The following PDSS2 variants were observed in gnomAD, a reference collection of about 807,000 sequenced individuals.
PDSS2 encodes all trans-polyprenyl-diphosphate synthase PDSS2.
A neutral mutation model predicts 44.5 loss-of-function variants in PDSS2; 31 were observed. The observed-to-expected ratio is 0.70, with a 90% confidence interval of 0.52 to 0.94. PDSS2 has a LOEUF of 0.94. Ranked by LOEUF, PDSS2 falls within the 40% of genes least tolerant of loss-of-function variation. The probability of loss-of-function intolerance (pLI) is 0.00; values close to 1 mark genes in which losing one functional copy is unlikely to be tolerated. For missense variants in PDSS2, 452 were observed against 482.2 expected, an observed-to-expected ratio of 0.94 and a Z score of 0.59; for synonymous variants, 157 against 180.3, an observed-to-expected ratio of 0.87 and a Z score of 1.03.
chr6:107,289,459 G>T (rs1006434830), intron 2 of PDSS2, among the ~76,000 whole-genome samples: 1 of 152,000 alleles, frequency 6.6e-6, no homozygotes, highest in Non-Finnish European at 1.5e-5. Flanking sequence ...AAGCACTGTG[G>T]GAGGACAAGG....
intron 7 of PDSS2, among the ~76,000 whole-genome samples, chr6:107,182,252 CTAA>C (rs1355001481): frequency 1.3e-5 from 2 of 152,116 alleles, no homozygotes; most frequent in East Asian, 1.9e-4. Flanking sequence ...AAGACCAAGG[CTAA>C]TAATAAGGCA....
intron 2 of PDSS2, among the ~76,000 whole-genome samples, chr6:107,302,414 C>A (rs1206137477): frequency 1.3e-5 from 2 of 150,310 alleles, no homozygotes; most frequent in African/African-American, 4.8e-5. Context: ...GCTGGGACCA[C>A]GGGTGCATGC....
intron 4 of PDSS2, among the ~76,000 whole-genome samples, chr6:107,215,067 A>G (rs777692147): frequency 2.0e-5 from 3 of 152,256 alleles, no homozygotes; most frequent in Non-Finnish European, 4.4e-5. Context: ...ACAAAACATT[A>G]GGTATAAATT....
At chr6:107,336,055 G>A (rs1412729566) in intron 1 of PDSS2, among the ~76,000 whole-genome samples, 1 of 151,474 alleles carries the variant, frequency 6.6e-6, no homozygotes, top group Non-Finnish European at 1.5e-5. Flanking sequence ...AGGGGTTCGA[G>A]ACCAGCCCGG....
At chr6:107,358,168 T>TA (rs1482675695) in intron 1 of PDSS2, among the ~76,000 whole-genome samples, 1 of 152,212 alleles carries the variant, frequency 6.6e-6, no homozygotes, top group Non-Finnish European at 1.5e-5. Context: ...TTAAAAATAC[T>TA]ATGTGAAATT....
At chr6:107,188,176 G>A (rs146238791) in intron 7 of PDSS2, among the ~76,000 whole-genome samples, 7 of 152,190 alleles carry the variant, frequency 4.6e-5, no homozygotes, top group Non-Finnish European at 8.8e-5. Context: ...TCAGGAGTTC[G>A]AGACCAGCCT....
chr6:107,309,708 G>A (rs944041491), intron 2 of PDSS2, among the ~76,000 whole-genome samples: 6 of 152,106 alleles, frequency 3.9e-5, no homozygotes, highest in African/African-American at 1.4e-4. Flanking sequence ...CCATTTCTCT[G>A]TGTTTCTACA....
intron 1 of PDSS2, among the ~76,000 whole-genome samples, chr6:107,357,969 A>G (rs1456748647): frequency 6.6e-6 from 1 of 152,192 alleles, no homozygotes; most frequent in African/African-American, 2.4e-5. Context: ...TCAAAATACT[A>G]TTACACTATA....
rs60840656 is a variant in PDSS2 at position 107,155,877 on chromosome 6, C to CTTTTT, written c.1042-1105_1042-1101dup. 2.1e-4 allele frequency among the ~76,000 whole-genome samples: 11 copies of CTTTTT among 51,664 alleles called. 1 individual carries two copies. The highest frequency in any genetic ancestry group is 1.1e-4 in the Non-Finnish European group (3 of 27,610). The allele number at this position is 51,664 out of a possible 152,430, so 33.9% of individuals were successfully genotyped here. Reference sequence around the variant, plus strand: ...ACAGGCATGAGCCACCTTGCCCGGCCTTTTTTTTTTTTTTTTTTTTTTTTT... The same window carrying CTTTTT: ...ACAGGCATGAGCCACCTTGCCCGGCCTTTTTTTTTTTTTTTTTTTTTTTTTTTTTT... On this transcript the variant is annotated intron_variant, in intron 7 of 7. Coordinates refer to ENST00000369037, the MANE Select transcript of PDSS2 (RefSeq NM_020381.4).
At chr6:107,316,060 T>G (rs1282521691) in intron 2 of PDSS2, among the ~76,000 whole-genome samples, 3 of 152,220 alleles carry the variant, frequency 2.0e-5, no homozygotes, top group African/African-American at 7.2e-5. Context: ...ATAAAAAGTA[T>G]GTTATAGAAA....
rs184888988 is a variant in PDSS2, at chr6:107,211,350, C to T, written c.876+759G>A. On this transcript the variant is annotated intron_variant, in intron 5 of 7. Transcript: ENST00000369037. ...ATATTTTAGATTTCATATGCCCATT[C>T]AAAGAATTAGTTATTAAAATTAAAG... 2.6e-3 allele frequency among the ~76,000 whole-genome samples: 394 copies of T among 152,046 alleles called. 1 individual carries two copies. The highest frequency in any genetic ancestry group is 9.1e-3 in the African/African-American group (376 of 41,480).
intron 7 of PDSS2, 43 bp downstream of exon 7, chr6:107,193,779 T>C (rs760238334): frequency 1.7e-6 from 2 of 1,184,384 alleles, no homozygotes; most frequent in African/African-American, 1.5e-5. Context: ...AAACACCAAA[T>C]TGAAATGTGT....
At chr6:107,286,136 T>TAAAATA (rs67225192) in intron 2 of PDSS2, among the ~76,000 whole-genome samples, 2 of 128,744 alleles carry the variant, frequency 1.6e-5, no homozygotes, top group Non-Finnish European at 3.2e-5. Context: ...CGTCGCAAAA[T>TAAAATA]AAAAAAAAAA....
At chr6:107,255,725 T>A (rs1774997313) in intron 3 of PDSS2, among the ~76,000 whole-genome samples, 1 of 152,240 alleles carries the variant, frequency 6.6e-6, no homozygotes, top group Non-Finnish European at 1.5e-5. Flanking sequence ...AAAAATGTTA[T>A]GTATAGTTCA....
At chr6:107,218,208 C>T (rs1176752629) in intron 4 of PDSS2, among the ~76,000 whole-genome samples, 2 of 152,190 alleles carry the variant, frequency 1.3e-5, no homozygotes, top group East Asian at 1.9e-4. Flanking sequence ...GCTCTCTATA[C>T]ATTTTATTTG....
At chr6:107,257,847 C>A (rs996761177) in intron 3 of PDSS2, among the ~76,000 whole-genome samples, 4 of 152,098 alleles carry the variant, frequency 2.6e-5, no homozygotes, top group African/African-American at 7.2e-5. Flanking sequence ...AAACTCCTGG[C>A]CTCAAGTGAT....
intron 1 of PDSS2, among the ~76,000 whole-genome samples, chr6:107,413,228 T>C (rs1277695302): frequency 6.6e-6 from 1 of 152,128 alleles, no homozygotes; most frequent in Non-Finnish European, 1.5e-5. Context: ...TTATCATGAG[T>C]CTCAATTTCC....
At chr6:107,397,597 G>A (rs971548761) in intron 1 of PDSS2, among the ~76,000 whole-genome samples, 5 of 152,172 alleles carry the variant, frequency 3.3e-5, no homozygotes, top group African/African-American at 1.2e-4. Context: ...AGCTGAATTA[G>A]CTGGTTTTTT....
At chr6:107,300,093 G>A (rs965658961) in intron 2 of PDSS2, among the ~76,000 whole-genome samples, 5 of 152,158 alleles carry the variant, frequency 3.3e-5, no homozygotes, top group Non-Finnish European at 5.9e-5. Context: ...ACTGTTGGAT[G>A]TGCCTCCCCC....
Sources: gnomAD v4.1 joint callset for allele counts (sites outside exome capture counted in the v4.1 genomes callset) on GRCh38, gnomAD v4.1.1 for gene constraint, MANE v1.5 for transcripts, NCBI Gene and HGNC (gene_info 2026-07-23, HGNC 2026-07-21) for gene names.